Variants in CCDC117 observed in about 807,000 individuals in gnomAD.
CCDC117 encodes the protein coiled-coil domain-containing protein 117.
In CCDC117, 1 loss-of-function variant was observed where a neutral mutation model predicts 23.5. The observed-to-expected ratio is 0.04, with a 90% CI of 0.02 to 0.20. The LOEUF is 0.20. Ranked by LOEUF, CCDC117 falls within the 10% of genes least tolerant of loss-of-function variation. CCDC117 has a pLI of 1.00. For synonymous variants in CCDC117, 132 were observed against 124.8 expected (o/e 1.06, Z -0.39); for missense variants, 383 against 348.2 (o/e 1.10, Z -0.80).
chr22:28,773,014 T>C lies in CCDC117; in HGVS notation c.165T>C (p.Ala55=), dbSNP rs2146241546. ...CTCGCGCAGTCCCTAGCAGTCCCGCTGGGAGTGCGGCGCGCGGACGGTGAG... is the reference window on the plus strand; with the variant it reads ...CTCGCGCAGTCCCTAGCAGTCCCGCCGGGAGTGCGGCGCGCGGACGGTGAG... ...PGPRAVPSSP[A]GSAARGRVSV... is the part of the protein sequence containing the mutation. Residue 55 remains alanine, a synonymous_variant, in exon 1 of 5, where the codon GCT becomes GCC. Coordinates refer to ENST00000249064, the MANE Select transcript of CCDC117 (RefSeq NM_173510.4). The C allele has an allele frequency of 8.7e-7, 1 of 1,150,264 alleles. No homozygotes were observed. Among genetic ancestry groups the C allele is most frequent in the Middle Eastern group, 3.6e-4 (1 of 2,802 alleles). 71.3% of individuals were successfully genotyped at this position (1,150,264 alleles called of 1,614,324 possible). A position where few individuals can be genotyped will look rare whatever the true frequency, so the allele number is the denominator to read the frequency against.
intron 2 of CCDC117, among the ~76,000 whole-genome samples, chr22:28,777,767 C>T (rs2031211925): frequency 1.3e-5 from 2 of 151,610 alleles, no homozygotes; most frequent in Non-Finnish European, 2.9e-5. Context: ...CTCAGCCTCC[C>T]AAAGCTCTGG....
chr22:28,783,526 AGAAGTT>A lies in CCDC117; in HGVS notation c.488_493del (p.Val163_Glu164del), dbSNP rs769954968. Reference sequence around the variant, plus strand: ...GATTTAGGATAATTGATGAAGATGAAGAAGTTGAAGCTGACAGAAATGTTAACCATC... The same window carrying A: ...GATTTAGGATAATTGATGAAGATGAAGAAGCTGACAGAAATGTTAACCATC... On this transcript the variant is annotated inframe_deletion, in exon 4 of 5. Coordinates refer to ENST00000249064, the MANE Select transcript of CCDC117 (RefSeq NM_173510.4). 1 of 1,613,544 alleles carries A rather than the reference AGAAGTT, an allele frequency of 6.2e-7. No homozygotes were observed. Among genetic ancestry groups the A allele is most frequent in the Non-Finnish European group, 8.5e-7 (1 of 1,179,812 alleles).
At chr22:28,778,505 G>A (rs1409361853) in intron 2 of CCDC117, among the ~76,000 whole-genome samples, 1 of 152,088 alleles carries the variant, frequency 6.6e-6, no homozygotes, top group Non-Finnish European at 1.5e-5. Context: ...CTACTCGGGG[G>A]GCTGAGGCGG....
Position 28,783,561 on chromosome 22 carries a change from C to T in CCDC117, c.518C>T (p.Pro173Leu). 2 of 1,613,468 alleles carry T rather than the reference C, an allele frequency of 1.2e-6. No homozygotes were observed. Among genetic ancestry groups the T allele is most frequent in the Admixed American group, 3.3e-5 (2 of 59,982 alleles). Residue 173 changes from proline to leucine, a missense_variant, in exon 4 of 5, where the codon CCC becomes CTC. Transcript: ENST00000249064. Reference sequence around the variant, plus strand: ...GCTGACAGAAATGTTAACCATCTCCCCAGTCTTGTCCTTTCTGATACCATG... The same window carrying T: ...GCTGACAGAAATGTTAACCATCTCCTCAGTCTTGTCCTTTCTGATACCATG... The part of the protein sequence containing the change: ...VEADRNVNHL[P>L]SLVLSDTMKT...
intron 2 of CCDC117, 97 bp from the exon 3 acceptor site, chr22:28,780,851 A>C: frequency 2.4e-6 from 2 of 845,760 alleles, no homozygotes; most frequent in Middle Eastern, 3.6e-4. Flanking sequence ...CAAAAAAGCT[A>C]GTTTTTTAAA....
intron 4 of CCDC117, 122 bp from the exon 5 acceptor site, chr22:28,785,967 C>A: frequency 1.5e-6 from 1 of 658,426 alleles, no homozygotes; most frequent in East Asian, 2.6e-5. Flanking sequence ...TTTGTGTGTT[C>A]TAAATCTCCT....
At chr22:28,778,439 C>G (rs758222728) in intron 2 of CCDC117, among the ~76,000 whole-genome samples, 10 of 152,088 alleles carry the variant, frequency 6.6e-5, no homozygotes, top group Non-Finnish European at 1.5e-4. Context: ...GAAACCTCTT[C>G]TCTCTTAAAA....
rs2031590979 is a variant in CCDC117, at chr22:28,788,865, G to A, written c.*2539G>A. Reference sequence around the variant, plus strand: ...AGCATGGATCAAACATTGGCTTACTGTGCTAATGTGTGAAGAGAAAAAATT... The same window carrying A: ...AGCATGGATCAAACATTGGCTTACTATGCTAATGTGTGAAGAGAAAAAATT... On this transcript the variant is annotated 3_prime_UTR_variant, in exon 5 of 5. Transcript: ENST00000249064. 6.6e-6 allele frequency: 1 copy of A among 152,486 alleles called. No homozygotes were observed. The highest frequency in any genetic ancestry group is 2.4e-5 in the African/African-American group (1 of 41,400). 9.4% of individuals were successfully genotyped at this position (152,486 alleles called of 1,614,324 possible). A position where few individuals can be genotyped will look rare whatever the true frequency, so the allele number is the denominator to read the frequency against.
chr22:28,786,214 G>A lies in CCDC117; in HGVS notation c.728G>A (p.Gly243Asp). The change falls in exon 5 of 5, where the codon GGC (glycine) becomes GAC (aspartate). Residue 243 changes from glycine (G) to aspartate (D), a missense_variant. Coordinates refer to ENST00000249064, the MANE Select transcript of CCDC117 (RefSeq NM_173510.4). ...AGCCAAGCTAAGCATGTAGCTGCTG[G>A]CACTGCCTTCCCTCAGAGAACTGAA... Reference protein sequence around the residue: ...GESQAKHVAAGTAFPQRTELF... With the variant: ...GESQAKHVAADTAFPQRTELF... 6.2e-7 allele frequency: 1 copy of A among 1,614,120 alleles called. No individual in the cohort carries two copies. Among genetic ancestry groups the A allele is most frequent in the Non-Finnish European group, 8.5e-7 (1 of 1,180,002 alleles).
intron 2 of CCDC117, among the ~76,000 whole-genome samples, chr22:28,779,811 T>A (rs879525471): frequency 7.2e-5 from 11 of 152,244 alleles, no homozygotes; most frequent in Admixed American, 7.2e-4. Flanking sequence ...TAATGATTTT[T>A]TTTGGTTATA....
Position 28,786,999 on chromosome 22 carries a change from T to C in CCDC117, c.*673T>C, listed in dbSNP as rs2031532366. 2 of 152,634 alleles carry C rather than the reference T, an allele frequency of 1.3e-5. No individual in the cohort carries two copies. Among genetic ancestry groups the C allele is most frequent in the Admixed American group, 6.5e-5 (1 of 15,272 alleles). The allele number at this position is 152,634 out of a possible 1,614,324, so 9.5% of individuals were successfully genotyped here. A position where few individuals can be genotyped will look rare whatever the true frequency, so the allele number is the denominator to read the frequency against. ...CTGTTGCTCCTTGGTTTCCCTTGCG[T>C]AATTGATAAGCCCAGTTATTCAGTA... On this transcript the variant is annotated 3_prime_UTR_variant, in exon 5 of 5. Transcript: ENST00000249064.
intron 3 of CCDC117, among the ~76,000 whole-genome samples, chr22:28,781,943 C>A (rs2031350831): frequency 6.8e-6 from 1 of 146,094 alleles, no homozygotes; most frequent in African/African-American, 2.5e-5. Context: ...CCACCCAGCC[C>A]CCCCCCTTTT....
intron 2 of CCDC117, among the ~76,000 whole-genome samples, chr22:28,778,089 C>A (rs2031222377): frequency 6.6e-6 from 1 of 151,978 alleles, no homozygotes; most frequent in East Asian, 1.9e-4. Context: ...TTGTGATCCG[C>A]CCGCCTCGGC....
At chr22:28,780,745 A>C (rs961285489) in intron 2 of CCDC117, among the ~76,000 whole-genome samples, 2 of 152,190 alleles carry the variant, frequency 1.3e-5, no homozygotes, top group Non-Finnish European at 2.9e-5. Context: ...GTGCATCTTT[A>C]TTTGGCAAAG....
intron 2 of CCDC117, among the ~76,000 whole-genome samples, chr22:28,774,783 TTTTC>T (rs760275484): frequency 2.6e-5 from 4 of 152,002 alleles, no homozygotes; most frequent in Admixed American, 6.6e-5. Context: ...GTGTTTTTCT[TTTTC>T]TTTCTTTTTT....
At chr22:28,779,365 G>A (rs989996452) in intron 2 of CCDC117, among the ~76,000 whole-genome samples, 1 of 150,010 alleles carries the variant, frequency 6.7e-6, no homozygotes, top group African/African-American at 2.4e-5. Flanking sequence ...ACTGCGCCCA[G>A]CTTTTTTTTT....
At chr22:28,785,021 C>T (rs1030249811) in intron 4 of CCDC117, among the ~76,000 whole-genome samples, 9 of 152,264 alleles carry the variant, frequency 5.9e-5, no homozygotes, top group East Asian at 3.9e-4. Flanking sequence ...CCACCCTCTT[C>T]GGCCTCCCAA....
chr22:28,786,194 A>G lies in CCDC117; in HGVS notation c.708A>G (p.Gln236=). The change falls in exon 5 of 5, where the codon CAA becomes CAG. Residue 236 remains glutamine, a synonymous_variant. Coordinates refer to ENST00000249064, the MANE Select transcript of CCDC117 (RefSeq NM_173510.4). ...SNTKNYTGES[Q]AKHVAAGTAF... ...CTAAGAACTATACAGGAGAGAGCCA[A>G]GCTAAGCATGTAGCTGCTGGCACTG... 6.2e-7 allele frequency: 1 copy of G among 1,614,192 alleles called. No homozygotes were observed. The highest frequency in any genetic ancestry group is 8.5e-7 in the Non-Finnish European group (1 of 1,180,018).
At chr22:28,779,542 CAG>C (rs1265128877) in intron 2 of CCDC117, among the ~76,000 whole-genome samples, 6 of 152,058 alleles carry the variant, frequency 3.9e-5, no homozygotes, top group Non-Finnish European at 4.4e-5. Flanking sequence ...TGAAATATGA[CAG>C]AAATGTTAGA....
Sources: gnomAD v4.1 joint callset for allele counts (sites outside exome capture counted in the v4.1 genomes callset) on GRCh38, gnomAD v4.1.1 for gene constraint, MANE v1.5 for transcripts, NCBI Gene and HGNC (gene_info 2026-07-23, HGNC 2026-07-21) for gene names.